The following CSMD1 variants were observed in gnomAD, a reference collection of about 807,000 sequenced individuals.
CSMD1 encodes the protein CUB and sushi domain-containing protein 1.
In CSMD1, 213 loss-of-function variants were observed where a neutral mutation model predicts 417.5. That is an observed-to-expected ratio of 0.51 (90% CI 0.46 to 0.57). The LOEUF (loss-of-function observed/expected upper bound fraction) is 0.57. Ranked by LOEUF, CSMD1 falls within the 20% of genes least tolerant of loss-of-function variation. The probability of loss-of-function intolerance (pLI) is 0.00; values close to 1 mark genes in which losing one functional copy is unlikely to be tolerated. For missense variants in CSMD1, 6,923 were observed against 4,529.7 expected (o/e 1.53, Z -15.17); for synonymous variants, 2,862 against 1,736.8 (o/e 1.65, Z -16.11).
chr8:4,756,917 C>T (rs769409649), intron 1 of CSMD1, among the ~76,000 whole-genome samples: 67 of 152,342 alleles, frequency 4.4e-4, no homozygotes, highest in Non-Finnish European at 6.8e-4. Flanking sequence ...TAACCGGAAA[C>T]AGCTGTGAAA....
intron 3 of CSMD1, among the ~76,000 whole-genome samples, chr8:4,275,333 T>C (rs146964200): frequency 2.1e-4 from 32 of 152,304 alleles, no homozygotes; most frequent in African/African-American, 7.7e-4. Context: ...GCTTCTGTGT[T>C]GTGTATTTGT....
At chr8:3,305,018 TTC>T (rs1563250284) in intron 25 of CSMD1, among the ~76,000 whole-genome samples, 10 of 152,202 alleles carry the variant, frequency 6.6e-5, no homozygotes, top group African/African-American at 2.4e-4. Context: ...CATTTGTGAA[TTC>T]AAAGTTAAGG....
chr8:4,831,996 C>A (rs546487435), intron 1 of CSMD1, among the ~76,000 whole-genome samples: 3 of 152,188 alleles, frequency 2.0e-5, no homozygotes, highest in Non-Finnish European at 4.4e-5. Context: ...CCACTGCACA[C>A]ATAGTCACTT....
chr8:4,501,899 T>G (rs1018937692), intron 2 of CSMD1, among the ~76,000 whole-genome samples: 1 of 152,112 alleles, frequency 6.6e-6, no homozygotes, highest in African/African-American at 2.4e-5. Context: ...GTCAAAGGTA[T>G]GAGGAATCTA....
intron 2 of CSMD1, among the ~76,000 whole-genome samples, chr8:4,576,697 G>A (rs546118107): frequency 6.6e-6 from 1 of 152,088 alleles, no homozygotes; most frequent in Non-Finnish European, 1.5e-5. Context: ...TAAGTAGCTA[G>A]AAGTCTGATA....
chr8:3,171,109 G>C (rs184148687), intron 37 of CSMD1, among the ~76,000 whole-genome samples: 3 of 152,198 alleles, frequency 2.0e-5, no homozygotes, highest in African/African-American at 4.8e-5. Context: ...AGAATGACAA[G>C]ATTTGGGGAA....
At chr8:4,482,542 G>T (rs566757196) in intron 2 of CSMD1, among the ~76,000 whole-genome samples, 3 of 152,188 alleles carry the variant, frequency 2.0e-5, no homozygotes, top group African/African-American at 7.2e-5. Flanking sequence ...TGTGAATAGT[G>T]TTGCAATGAA....
At chr8:3,213,010 A>G (rs1258723719) in intron 30 of CSMD1, among the ~76,000 whole-genome samples, 1 of 151,554 alleles carries the variant, frequency 6.6e-6, no homozygotes, top group African/African-American at 2.4e-5. Context: ...TTGTATTTTT[A>G]GTAGAAAGGG....
At chr8:4,478,962 G>C (rs1210259691) in intron 2 of CSMD1, among the ~76,000 whole-genome samples, 2 of 152,114 alleles carry the variant, frequency 1.3e-5, no homozygotes, top group South Asian at 2.1e-4. Flanking sequence ...CTCAACCTTA[G>C]TTTATTAATT....
intron 10 of CSMD1, among the ~76,000 whole-genome samples, chr8:3,515,581 T>C (rs1008523572): frequency 1.8e-4 from 27 of 152,328 alleles, no homozygotes; most frequent in Admixed American, 1.8e-3. Flanking sequence ...TTCGGAAGTT[T>C]AGAATGTTTC....
At chr8:3,820,242 T>A (rs766716138) in intron 5 of CSMD1, among the ~76,000 whole-genome samples, 17 of 152,128 alleles carry the variant, frequency 1.1e-4, no homozygotes, top group Non-Finnish European at 1.9e-4. Flanking sequence ...TAGACACACT[T>A]CCCAGACCAT....
rs1428037251 is a variant in CSMD1 at position 3,772,307 on chromosome 8, T to TTAGACATACATATGTACATATATG, written c.819-18266_819-18265insCATATATGTACATATGTATGTCTA. 1.6e-3 allele frequency among the ~76,000 whole-genome samples: 194 copies of TTAGACATACATATGTACATATATG among 124,672 alleles called. 18 individuals are homozygous for TTAGACATACATATGTACATATATG. Among genetic ancestry groups the TTAGACATACATATGTACATATATG allele is most frequent in the Admixed American group, 2.7e-3 (33 of 12,370 alleles). 81.8% of individuals were successfully genotyped at this position (124,672 alleles called of 152,430 possible). Reference sequence around the variant, plus strand: ...TTTAGACATACATATGTACATATATTTAGACATACATATGTACATATATTT... The same window carrying TTAGACATACATATGTACATATATG: ...TTTAGACATACATATGTACATATATTTAGACATACATATGTACATATATGTAGACATACATATGTACATATATTT... On this transcript the variant is annotated intron_variant, in intron 5 of 69. Coordinates refer to ENST00000635120, the MANE Select transcript of CSMD1 (RefSeq NM_033225.6).
intron 1 of CSMD1, among the ~76,000 whole-genome samples, chr8:4,892,089 A>G (rs956112029): frequency 6.6e-6 from 1 of 152,116 alleles, no homozygotes; most frequent in African/African-American, 2.4e-5. Context: ...GAAGAAATAG[A>G]ACTTGCTATT....
chr8:4,076,108 C>T (rs546796931), intron 3 of CSMD1, among the ~76,000 whole-genome samples: 18 of 152,156 alleles, frequency 1.2e-4, no homozygotes, highest in Admixed American at 1.1e-3. Context: ...ATAATCCCCA[C>T]GTGTCATGGG....
At chr8:3,155,469 G>A (rs1001753408) in intron 39 of CSMD1, among the ~76,000 whole-genome samples, 2 of 142,674 alleles carry the variant, frequency 1.4e-5, no homozygotes, top group East Asian at 2.2e-4. Context: ...CCAGGTTCAC[G>A]CCATTCTCCT....
chr8:3,961,113 T>G (rs1812294700), intron 5 of CSMD1, among the ~76,000 whole-genome samples: 1 of 152,160 alleles, frequency 6.6e-6, no homozygotes, highest in South Asian at 2.1e-4. Context: ...AAGAAGCTAA[T>G]AATTAAAAAT....
intron 2 of CSMD1, among the ~76,000 whole-genome samples, chr8:4,607,862 AT>A (rs1302069154): frequency 2.6e-5 from 4 of 151,958 alleles, no homozygotes; most frequent in Non-Finnish European, 5.9e-5. Flanking sequence ...CTTCCTCACT[AT>A]TTTCTGACTC....
At chr8:3,970,020 C>T (rs2554522) in intron 5 of CSMD1, among the ~76,000 whole-genome samples, 17,886 of 152,228 alleles carry the variant, frequency 0.12, 1,100 homozygotes, top group Middle Eastern at 0.15. Flanking sequence ...ATAATTCTTT[C>T]TCACCTTTCC....
intron 3 of CSMD1, among the ~76,000 whole-genome samples, chr8:4,357,462 T>C (rs1220203504): frequency 6.6e-6 from 1 of 152,118 alleles, no homozygotes; most frequent in Non-Finnish European, 1.5e-5. Context: ...GATACTTCTC[T>C]CCTACCATCG....
Sources: gnomAD v4.1 joint callset for allele counts (sites outside exome capture counted in the v4.1 genomes callset) on GRCh38, gnomAD v4.1.1 for gene constraint, MANE v1.5 for transcripts, NCBI Gene and HGNC (gene_info 2026-07-23, HGNC 2026-07-21) for gene names.